PARN: variants seen among roughly 807,000 people sequenced by gnomAD.
The protein encoded by PARN is poly(A)-specific ribonuclease.
A neutral mutation model predicts 102.8 loss-of-function variants in PARN; 71 were observed. The ratio of observed to expected loss-of-function variants is 0.69; its 90% CI spans 0.57 to 0.84. PARN has a LOEUF of 0.84. Among genes scored for constraint, PARN ranks in the 40% least tolerant of loss-of-function variants. The pLI, the probability that PARN is intolerant of heterozygous loss-of-function variation, is 0.00. For synonymous variants in PARN, 261 were observed against 252.9 expected, an observed-to-expected ratio of 1.03 and a Z score of -0.30; for missense variants, 782 against 760.9, an observed-to-expected ratio of 1.03 and a Z score of -0.33.
At chr16:14,451,999 C>G (rs574721555) in intron 22 of PARN, among the ~76,000 whole-genome samples, 14 of 151,742 alleles carry the variant, frequency 9.2e-5, no homozygotes, top group African/African-American at 3.4e-4. Flanking sequence ...TTTCAGTGAG[C>G]CATGACCAGC....
chr16:14,466,414 C>T (rs531951107), intron 22 of PARN, among the ~76,000 whole-genome samples: 1 of 152,232 alleles, frequency 6.6e-6, no homozygotes, highest in East Asian at 1.9e-4. Context: ...TAAGTCATGA[C>T]TTGTCTTTAA....
At chr16:14,552,185 T>A (rs1367004000) in intron 20 of PARN, 90 bp from the exon 21 acceptor site, 5 of 791,100 alleles carry the variant, frequency 6.3e-6, no homozygotes, top group Non-Finnish European at 1.1e-5. Context: ...TTCAGTATAG[T>A]CTATCTTTAA....
At chr16:14,461,643 T>C (rs1219722741) in intron 22 of PARN, among the ~76,000 whole-genome samples, 2 of 152,218 alleles carry the variant, frequency 1.3e-5, no homozygotes, top group Non-Finnish European at 2.9e-5. Flanking sequence ...GGCTGCAGAT[T>C]TACAGTAACT....
At chr16:14,467,367 C>T (rs1241247421) in intron 22 of PARN, among the ~76,000 whole-genome samples, 1 of 152,194 alleles carries the variant, frequency 6.6e-6, no homozygotes, top group African/African-American at 2.4e-5. Context: ...CATCAAGAAA[C>T]ACAATGCTTC....
intron 22 of PARN, among the ~76,000 whole-genome samples, chr16:14,474,728 T>C (rs1344416558): frequency 1.3e-5 from 2 of 152,234 alleles, no homozygotes; most frequent in Non-Finnish European, 1.5e-5. Context: ...CCTTGGCTTC[T>C]GGCTGCCTGA....
At chr16:14,595,874 A>G (rs1466557188) in intron 12 of PARN, among the ~76,000 whole-genome samples, 1 of 152,128 alleles carries the variant, frequency 6.6e-6, no homozygotes, top group Non-Finnish European at 1.5e-5. Flanking sequence ...CATGTTGCCC[A>G]GGCTGGTCTT....
At chr16:14,550,712 T>TAC (rs1361953050) in intron 21 of PARN, among the ~76,000 whole-genome samples, 4 of 152,236 alleles carry the variant, frequency 2.6e-5, no homozygotes, top group Non-Finnish European at 5.9e-5. Context: ...ATTATAGTTT[T>TAC]ACTGTGCGGC....
At chr16:14,600,043 C>A in intron 11 of PARN, 83 bp from the exon 12 acceptor site, 1 of 757,416 alleles carries the variant, frequency 1.3e-6, no homozygotes, top group South Asian at 2.1e-5. Flanking sequence ...AAAAAAAAGA[C>A]ACTGAAATTT....
chr16:14,532,174 ATTTTTTT>A (rs35785901), intron 21 of PARN, among the ~76,000 whole-genome samples: 7 of 138,284 alleles, frequency 5.1e-5, no homozygotes, highest in Non-Finnish European at 9.4e-5. Context: ...TCAAACTCTG[ATTTTTTT>A]TTTTTTTTTT....
At chr16:14,554,386 T>A (rs1205727125) in intron 19 of PARN, among the ~76,000 whole-genome samples, 1 of 152,146 alleles carries the variant, frequency 6.6e-6, no homozygotes, top group Non-Finnish European at 1.5e-5. Context: ...TGCAAAGGCA[T>A]CTTCTCTTCT....
intron 21 of PARN, among the ~76,000 whole-genome samples, chr16:14,528,475 T>C (rs1966129614): frequency 6.6e-6 from 1 of 152,220 alleles, no homozygotes; most frequent in Admixed American, 6.5e-5. Context: ...TGGCCCTACC[T>C]GAGGGACATG....
intron 21 of PARN, among the ~76,000 whole-genome samples, chr16:14,496,718 G>A (rs917729570): frequency 6.6e-6 from 1 of 152,056 alleles, no homozygotes; most frequent in African/African-American, 2.4e-5. Context: ...AATAGTACAC[G>A]GCTTAGTTAA....
At chr16:14,459,249 T>C (rs1961838695) in intron 22 of PARN, among the ~76,000 whole-genome samples, 1 of 152,234 alleles carries the variant, frequency 6.6e-6, no homozygotes, top group Non-Finnish European at 1.5e-5. Context: ...TATTTGTAGA[T>C]AGAATTTCTC....
chr16:14,468,266 T>G (rs565423638), intron 22 of PARN, among the ~76,000 whole-genome samples: 4 of 152,114 alleles, frequency 2.6e-5, no homozygotes, highest in Non-Finnish European at 5.9e-5. Context: ...CTGTGAAGAT[T>G]AAGAAACAAA....
chr16:14,563,875 G>A (rs971762387), intron 18 of PARN, among the ~76,000 whole-genome samples: 3 of 151,640 alleles, frequency 2.0e-5, no homozygotes, highest in Non-Finnish European at 2.9e-5. Context: ...GGATTTTTGT[G>A]TTTTAAAAAG....
chr16:14,570,530 G>T (rs1162720534), intron 18 of PARN, among the ~76,000 whole-genome samples: 1 of 150,826 alleles, frequency 6.6e-6, no homozygotes, highest in Non-Finnish European at 1.5e-5. Flanking sequence ...CATGCTTGTA[G>T]TCTCAGCTAC....
chr16:14,600,888 C>A (rs960763091), intron 11 of PARN, among the ~76,000 whole-genome samples: 1 of 152,010 alleles, frequency 6.6e-6, no homozygotes, highest in Non-Finnish European at 1.5e-5. Context: ...AAGCCAAGAT[C>A]GCACCATTGC....
chr16:14,542,434 ATAGCCTCCCTAG>A (rs1321293842), intron 21 of PARN, among the ~76,000 whole-genome samples: 2 of 151,862 alleles, frequency 1.3e-5, no homozygotes, highest in Non-Finnish European at 2.9e-5. Context: ...TCCTTCCACC[ATAGCCTCCCTAG>A]TAGCTGGGAA....
chr16:14,486,951 T>A (rs1396745385), intron 21 of PARN, among the ~76,000 whole-genome samples: 2 of 152,386 alleles, frequency 1.3e-5, no homozygotes, highest in African/African-American at 4.8e-5. Context: ...GAGTCCTCCC[T>A]GTTTCCCTGG....
Sources: allele counts gnomAD v4.1 joint callset (sites outside exome capture counted in the v4.1 genomes callset), GRCh38; gene constraint gnomAD v4.1.1; transcripts MANE v1.5; gene names NCBI Gene and HGNC (gene_info 2026-07-23, HGNC 2026-07-21).